RNF212B: variants seen among roughly 807,000 people sequenced by gnomAD.
RNF212B encodes the protein E3 ubiquitin-protein ligase RNF212B.
Under a neutral mutation model 55.5 loss-of-function variants are expected in RNF212B, and 52 were observed. The ratio of observed to expected loss-of-function variants is 0.94; its 90% CI spans 0.75 to 1.18. RNF212B has a LOEUF of 1.18. RNF212B is among the 50% of genes most tolerant of loss of function. RNF212B has a pLI of 0.00. For synonymous variants in RNF212B, 99 were observed against 121.4 expected, an observed-to-expected ratio of 0.82 and a Z score of 1.21; for missense variants, 289 against 350.4, an observed-to-expected ratio of 0.82 and a Z score of 1.40.
chr14:23,268,005 A>T (rs1885821157), intron 11 of RNF212B, among the ~76,000 whole-genome samples: 1 of 152,136 alleles, frequency 6.6e-6, no homozygotes, highest in Admixed American at 6.6e-5. Flanking sequence ...TCTATATGTC[A>T]TGCTTTTTGG....
intron 2 of RNF212B, among the ~76,000 whole-genome samples, chr14:23,200,546 G>A (rs367798024): frequency 1.3e-5 from 2 of 151,998 alleles, no homozygotes; most frequent in African/African-American, 2.4e-5. Flanking sequence ...GGCTGGTCTC[G>A]AACTCCTGGC....
chr14:23,210,544 G>A (rs1407825872), intron 2 of RNF212B, among the ~76,000 whole-genome samples: 7 of 152,210 alleles, frequency 4.6e-5, no homozygotes, highest in African/African-American at 1.4e-4. Context: ...TTGGGAGGCT[G>A]AGGCGGGTGG....
intron 2 of RNF212B, among the ~76,000 whole-genome samples, chr14:23,229,220 TTA>T (rs61656270): frequency 0.014 from 882 of 64,836 alleles, 7 homozygotes; most frequent in African/African-American, 0.031. Context: ...GAATAATATT[TTA>T]TATATATATA....
chr14:23,226,940 G>A (rs1194870440), intron 2 of RNF212B, among the ~76,000 whole-genome samples: 1 of 151,624 alleles, frequency 6.6e-6, no homozygotes, highest in Non-Finnish European at 1.5e-5. Context: ...ATCACACCCG[G>A]CCCTTCAGTC....
chr14:23,215,359 A>C (rs1343595300), intron 2 of RNF212B, among the ~76,000 whole-genome samples: 1 of 152,194 alleles, frequency 6.6e-6, no homozygotes, highest in Non-Finnish European at 1.5e-5. Flanking sequence ...AGACTAATAC[A>C]GTTTCCTATG....
In RNF212B at chr14:23,254,311, A is replaced by C. The variant is rs1257144017; in HGVS notation, c.229-4238A>C. Among the ~76,000 whole-genome samples, 72 of 149,336 alleles carry C rather than the reference A, an allele frequency of 4.8e-4. 2 individuals are homozygous for C. The highest frequency in any genetic ancestry group is 6.1e-4 in the Non-Finnish European group (41 of 67,014). ...CAAAAACAAAACAAAACAAAACAAAACAAAACAAAAAAACAAAAACAAAAA... is the reference window on the plus strand; with the variant it reads ...CAAAAACAAAACAAAACAAAACAAACCAAAACAAAAAAACAAAAACAAAAA... On this transcript the variant is annotated intron_variant, in intron 4 of 14. Coordinates refer to ENST00000430154, the MANE Select transcript of RNF212B (RefSeq NM_001282322.3).
chr14:23,196,085 A>T (rs780533856), intron 2 of RNF212B, among the ~76,000 whole-genome samples: 1 of 152,124 alleles, frequency 6.6e-6, no homozygotes, highest in Admixed American at 6.5e-5. Context: ...CACATCCTCA[A>T]TTGCTGCTGT....
chr14:23,240,035 A>G (rs1883447716), intron 1 of RNF212B, among the ~76,000 whole-genome samples: 1 of 95,122 alleles, frequency 1.1e-5, no homozygotes, highest in Non-Finnish European at 2.3e-5. Flanking sequence ...CTCACCACTC[A>G]AAAAAAAAAA....
At chr14:23,228,256 T>C (rs1030668214) in intron 2 of RNF212B, among the ~76,000 whole-genome samples, 6 of 150,610 alleles carry the variant, frequency 4.0e-5, no homozygotes, top group Non-Finnish European at 8.9e-5. Context: ...TCAGGCTCTT[T>C]TTAGAAATTG....
intron 1 of RNF212B, among the ~76,000 whole-genome samples, chr14:23,192,121 A>G (rs979764905): frequency 6.6e-6 from 1 of 150,718 alleles, no homozygotes; most frequent in East Asian, 2.0e-4. Context: ...TGTGGAAGAC[A>G]GTGTGGCGAT....
chr14:23,269,047 G>C (rs1412502861), intron 12 of RNF212B, 84 bp downstream of exon 12: 1 of 1,150,898 alleles, frequency 8.7e-7, no homozygotes. Context: ...GCTCACGCCT[G>C]TAATCCCAGC....
intron 2 of RNF212B, among the ~76,000 whole-genome samples, chr14:23,214,686 A>G (rs1880898351): frequency 6.6e-6 from 1 of 151,816 alleles, no homozygotes; most frequent in African/African-American, 2.4e-5. Context: ...AATAATAATA[A>G]TCAAAATAGA....
intron 2 of RNF212B, among the ~76,000 whole-genome samples, chr14:23,218,510 GAGA>G (rs1382909573): frequency 6.6e-6 from 1 of 151,952 alleles, no homozygotes; most frequent in East Asian, 1.9e-4. Context: ...TACAGAGTCA[GAGA>G]AGAAGGAATC....
chr14:23,207,415 A>T (rs979542911), intron 2 of RNF212B, among the ~76,000 whole-genome samples: 3 of 152,216 alleles, frequency 2.0e-5, no homozygotes, highest in Non-Finnish European at 2.9e-5. Context: ...TTTCATCGTC[A>T]TGGAAGGAGG....
intron 13 of RNF212B, among the ~76,000 whole-genome samples, chr14:23,270,269 A>C (rs1405584882): frequency 6.6e-6 from 1 of 152,168 alleles, no homozygotes; most frequent in Non-Finnish European, 1.5e-5. Context: ...AGTTCTGAGG[A>C]TTATAAGGCC....
chr14:23,197,945 G>A (rs1015960879), intron 2 of RNF212B, among the ~76,000 whole-genome samples: 3 of 152,130 alleles, frequency 2.0e-5, no homozygotes, highest in African/African-American at 4.8e-5. Context: ...GTGGGCAGGC[G>A]GGGATCTCAC....
chr14:23,238,100 T>C (rs1883259624), intron 1 of RNF212B, among the ~76,000 whole-genome samples, 45 bp downstream of exon 1: 1 of 152,208 alleles, frequency 6.6e-6, no homozygotes. Context: ...TTGAGACGGC[T>C]GAGGCCCCAT....
At chr14:23,232,135 G>A (rs1029754831) in intron 2 of RNF212B, among the ~76,000 whole-genome samples, 3 of 148,570 alleles carry the variant, frequency 2.0e-5, no homozygotes, top group East Asian at 2.0e-4. Flanking sequence ...CCCTCTGCCC[G>A]GCTGCCCACT....
chr14:23,206,239 T>C (rs981653451), intron 2 of RNF212B, among the ~76,000 whole-genome samples: 1 of 152,178 alleles, frequency 6.6e-6, no homozygotes, highest in Non-Finnish European at 1.5e-5. Flanking sequence ...CATGGCCAGC[T>C]AATTTTTGTA....
Sources: allele counts gnomAD v4.1 joint callset (sites outside exome capture counted in the v4.1 genomes callset), GRCh38; gene constraint gnomAD v4.1.1; transcripts MANE v1.5; gene names NCBI Gene and HGNC (gene_info 2026-07-23, HGNC 2026-07-21).